Variants in NAALADL2 observed in about 807,000 individuals in gnomAD.
The protein encoded by NAALADL2 is inactive N-acetylated-alpha-linked acidic dipeptidase-like protein 2.
In NAALADL2, 76 loss-of-function variants were observed where a neutral mutation model predicts 87.2. That is an observed-to-expected ratio of 0.87 (90% CI 0.72 to 1.05). The LOEUF is 1.05. NAALADL2 is among the 50% of genes least tolerant of loss of function. NAALADL2 has a pLI of 0.00. For synonymous variants in NAALADL2, 354 were observed against 331.0 expected, an observed-to-expected ratio of 1.07 and a Z score of -0.75; for missense variants, 1,089 against 945.8, an observed-to-expected ratio of 1.15 and a Z score of -1.99.
intron 1 of NAALADL2, among the ~76,000 whole-genome samples, chr3:175,013,290 TATATATATA>T (rs1461127514): frequency 1.2e-5 from 1 of 86,688 alleles, no homozygotes; most frequent in African/African-American, 6.8e-5. Flanking sequence ...TATATATATA[TATATATATA>T]TATTTTTTTT....
intron 2 of NAALADL2, among the ~76,000 whole-genome samples, chr3:175,137,039 T>C (rs1013111811): frequency 1.3e-5 from 2 of 152,168 alleles, no homozygotes; most frequent in Admixed American, 6.6e-5. Flanking sequence ...TGATGGAATT[T>C]GTTGAAATTG....
At chr3:175,173,280 A>T (rs552981393) in intron 2 of NAALADL2, among the ~76,000 whole-genome samples, 8 of 151,238 alleles carry the variant, frequency 5.3e-5, no homozygotes, top group African/African-American at 1.9e-4. Flanking sequence ...TGACACAGCG[A>T]GACTCCGTTT....
intron 5 of NAALADL2, among the ~76,000 whole-genome samples, chr3:175,342,505 C>T (rs976006682): frequency 7.5e-5 from 11 of 146,714 alleles, no homozygotes; most frequent in Admixed American, 1.4e-4. Flanking sequence ...CCAAATATTG[C>T]GTGTGTGTGT....
intron 11 of NAALADL2, among the ~76,000 whole-genome samples, chr3:175,686,804 C>G (rs1437204952): frequency 6.6e-6 from 1 of 151,998 alleles, no homozygotes; most frequent in African/African-American, 2.4e-5. Flanking sequence ...TAAACATATC[C>G]TAATTTGAAG....
At chr3:175,423,400 A>AT in intron 5 of NAALADL2, among the ~76,000 whole-genome samples, 1 of 150,026 alleles carries the variant, frequency 6.7e-6, no homozygotes, top group Non-Finnish European at 1.5e-5. Flanking sequence ...ATATCTCCTA[A>AT]TGCTATCCCT....
At chr3:175,295,226 G>T (rs77802334) in intron 4 of NAALADL2, among the ~76,000 whole-genome samples, 1 of 152,106 alleles carries the variant, frequency 6.6e-6, no homozygotes, top group Non-Finnish European at 1.5e-5. Flanking sequence ...AGAGTTTCCA[G>T]TTCTTCATCC....
chr3:174,956,596 CAATT>C (rs1741185135), intron 1 of NAALADL2, among the ~76,000 whole-genome samples: 1 of 152,050 alleles, frequency 6.6e-6, no homozygotes, highest in Non-Finnish European at 1.5e-5. Context: ...TATAAGTACT[CAATT>C]AATATTAGCC....
intron 1 of NAALADL2, chr3:175,059,694 C>T (rs1713024467): frequency 3.1e-6 from 1 of 317,770 alleles, no homozygotes. Flanking sequence ...TTTGCTGCTT[C>T]ACCTTCCTCC....
At chr3:174,849,115 G>A (rs1283301111) in intron 3 of NAALADL2, among the ~76,000 whole-genome samples, 5 of 152,122 alleles carry the variant, frequency 3.3e-5, no homozygotes, top group Non-Finnish European at 7.4e-5. Flanking sequence ...GTTGTTCTGC[G>A]TGAGTCAGTA....
At chr3:175,409,965 T>C (rs1713173613) in intron 5 of NAALADL2, among the ~76,000 whole-genome samples, 1 of 151,940 alleles carries the variant, frequency 6.6e-6, no homozygotes, top group Non-Finnish European at 1.5e-5. Flanking sequence ...TTAATGAAGT[T>C]AAAGAAGTAG....
At chr3:175,031,677 T>C (rs1311590191) in intron 1 of NAALADL2, among the ~76,000 whole-genome samples, 2 of 152,076 alleles carry the variant, frequency 1.3e-5, no homozygotes, top group African/African-American at 4.8e-5. Flanking sequence ...TGTATTTAGT[T>C]CTTTGAGAAG....
intron 2 of NAALADL2, among the ~76,000 whole-genome samples, chr3:175,172,664 T>C (rs966290332): frequency 2.0e-5 from 3 of 152,172 alleles, no homozygotes; most frequent in African/African-American, 7.2e-5. Flanking sequence ...TTATGACTTA[T>C]GTTAATACAT....
intron 2 of NAALADL2, among the ~76,000 whole-genome samples, chr3:175,140,603 A>G (rs1474716287): frequency 1.3e-5 from 2 of 152,076 alleles, no homozygotes; most frequent in Non-Finnish European, 2.9e-5. Context: ...AATACATACC[A>G]TGGGGGGAGG....
chr3:175,286,650 G>T (rs1755013375), intron 4 of NAALADL2, among the ~76,000 whole-genome samples: 1 of 151,946 alleles, frequency 6.6e-6, no homozygotes, highest in Non-Finnish European at 1.5e-5. Context: ...CTGTAATAAG[G>T]CCATACCTTT....
intron 1 of NAALADL2, among the ~76,000 whole-genome samples, chr3:175,007,629 G>A (rs1054447907): frequency 2.0e-5 from 3 of 152,112 alleles, no homozygotes; most frequent in Admixed American, 1.3e-4. Flanking sequence ...GAGAAGTAGC[G>A]TATGTCCTGC....
At chr3:175,251,536 G>A (rs899601740) in intron 3 of NAALADL2, among the ~76,000 whole-genome samples, 3 of 152,308 alleles carry the variant, frequency 2.0e-5, no homozygotes, top group Non-Finnish European at 4.4e-5. Context: ...CCAGTAAGAT[G>A]TGTCTTAATC....
At chr3:174,539,160 A>T (rs1721992999) in intron 1 of NAALADL2, among the ~76,000 whole-genome samples, 1 of 152,148 alleles carries the variant, frequency 6.6e-6, no homozygotes, top group South Asian at 2.1e-4. Context: ...TAAAACTAAG[A>T]CTAAGTAAAG....
intron 1 of NAALADL2, among the ~76,000 whole-genome samples, chr3:174,526,587 G>C (rs1438927187): frequency 6.6e-6 from 1 of 151,946 alleles, no homozygotes; most frequent in Non-Finnish European, 1.5e-5. Context: ...CCATGGGAAA[G>C]AATATTAGAG....
intron 5 of NAALADL2, among the ~76,000 whole-genome samples, chr3:175,399,871 C>G (rs188744432): frequency 6.6e-6 from 1 of 152,066 alleles, no homozygotes; most frequent in Non-Finnish European, 1.5e-5. Flanking sequence ...TGCCCACTTT[C>G]CTTTTGGTGT....
Sources: allele counts gnomAD v4.1 joint callset (sites outside exome capture counted in the v4.1 genomes callset), GRCh38; gene constraint gnomAD v4.1.1; transcripts MANE v1.5; gene names NCBI Gene and HGNC (gene_info 2026-07-23, HGNC 2026-07-21).